CNTN5: variants seen among roughly 807,000 people sequenced by gnomAD.
CNTN5 encodes the protein contactin-5.
Under a neutral mutation model 129.1 loss-of-function variants are expected in CNTN5, and 77 were observed. That is an observed-to-expected ratio of 0.60 (90% CI 0.50 to 0.72). The LOEUF (loss-of-function observed/expected upper bound fraction) is 0.72, where lower values mean the gene tolerates loss of function less well. CNTN5 is among the 30% of genes least tolerant of loss of function. The probability of loss-of-function intolerance (pLI) is 0.00; values close to 1 mark genes in which losing one functional copy is unlikely to be tolerated. For synonymous variants in CNTN5, 509 were observed against 465.6 expected (o/e 1.09, Z -1.20); for missense variants, 1,478 against 1,328.8 (o/e 1.11, Z -1.75).
intron 9 of CNTN5, among the ~76,000 whole-genome samples, chr11:100,043,970 T>C (rs905460812): frequency 6.6e-6 from 1 of 152,066 alleles, no homozygotes; most frequent in Non-Finnish European, 1.5e-5. Context: ...GAAGTGTGTT[T>C]AGTGTAACCA....
chr11:99,729,418 C>T (rs986705513), intron 3 of CNTN5, among the ~76,000 whole-genome samples: 3 of 152,100 alleles, frequency 2.0e-5, no homozygotes, highest in Non-Finnish European at 4.4e-5. Flanking sequence ...GCCTAGTACC[C>T]AATAGTTATT....
intron 9 of CNTN5, among the ~76,000 whole-genome samples, chr11:100,005,494 T>C (rs1565780667): frequency 6.6e-6 from 1 of 152,320 alleles, no homozygotes; most frequent in South Asian, 2.1e-4. Flanking sequence ...TAATGAGCTT[T>C]TAAGTGCACA....
intron 2 of CNTN5, among the ~76,000 whole-genome samples, chr11:99,339,446 CAT>C (rs1415180776): frequency 2.0e-4 from 31 of 151,972 alleles, no homozygotes; most frequent in African/African-American, 7.2e-4. Flanking sequence ...GGGTGCCAGT[CAT>C]GTGGATTTTT....
chr11:99,953,254 G>A (rs1530997), intron 7 of CNTN5, among the ~76,000 whole-genome samples: 125,250 of 152,090 alleles, frequency 0.82, 51,671 homozygotes, highest in Admixed American at 0.86. Context: ...GTGGAAATGC[G>A]TCACTTAAAT....
chr11:100,293,141 T>C (rs1177118548), intron 18 of CNTN5, among the ~76,000 whole-genome samples: 5 of 151,908 alleles, frequency 3.3e-5, no homozygotes, highest in Admixed American at 6.6e-5. Flanking sequence ...ACAAATCTTA[T>C]ACAAAGATTA....
intron 6 of CNTN5, among the ~76,000 whole-genome samples, chr11:99,912,331 G>T (rs189197643): frequency 6.6e-6 from 1 of 152,000 alleles, no homozygotes; most frequent in African/African-American, 2.4e-5. Context: ...CATGAGTGTG[G>T]CTGTGACAAG....
intron 13 of CNTN5, among the ~76,000 whole-genome samples, chr11:100,095,730 A>G (rs892148901): frequency 1.3e-5 from 2 of 152,102 alleles, no homozygotes; most frequent in Non-Finnish European, 2.9e-5. Context: ...CAAGATCTAC[A>G]TGTAAGGCTT....
intron 8 of CNTN5, among the ~76,000 whole-genome samples, chr11:99,981,043 T>G (rs1293059334): frequency 7.4e-6 from 1 of 135,344 alleles, no homozygotes; most frequent in African/African-American, 2.6e-5. Flanking sequence ...CTACCTGTAT[T>G]AGTTAGGGTT....
intron 1 of CNTN5, among the ~76,000 whole-genome samples, chr11:99,204,181 C>G (rs1443234516): frequency 6.6e-6 from 1 of 152,176 alleles, no homozygotes; most frequent in Non-Finnish European, 1.5e-5. Flanking sequence ...ATCGTTAATT[C>G]TCTCAGATTC....
rs71046671 is a variant in CNTN5, at chr11:99,169,372, A to ATGTGTGTGTGTG, written c.-210+148112_-210+148123dup. Among the ~76,000 whole-genome samples the ATGTGTGTGTGTG allele has an allele frequency of 4.6e-3, 690 of 151,112 alleles. 5 individuals are homozygous for ATGTGTGTGTGTG. Among genetic ancestry groups the ATGTGTGTGTGTG allele is most frequent in the African/African-American group, 0.016 (660 of 41,162 alleles). On this transcript the variant is annotated intron_variant, in intron 1 of 24. Coordinates refer to ENST00000524871, the MANE Select transcript of CNTN5 (RefSeq NM_014361.4). ...AGCATGTAGATATGCAATAAGCTATATGTGTGTGTGTGTGTGTGTGTATTT... is the reference window on the plus strand; with the variant it reads ...AGCATGTAGATATGCAATAAGCTATATGTGTGTGTGTGTGTGTGTGTGTGTGTGTGTGTATTT...
intron 1 of CNTN5, among the ~76,000 whole-genome samples, chr11:99,236,013 G>T (rs7931034): frequency 0.023 from 3,483 of 152,230 alleles, 136 homozygotes; most frequent in African/African-American, 0.08. Flanking sequence ...GTTAAAATGG[G>T]CAGTAGAAAC....
intron 1 of CNTN5, among the ~76,000 whole-genome samples, chr11:99,100,880 G>A (rs1249051254): frequency 6.6e-6 from 1 of 152,154 alleles, no homozygotes; most frequent in Non-Finnish European, 1.5e-5. Context: ...TGAAAATTGA[G>A]TCATTCTAAA....
chr11:99,290,477 C>T (rs1864121920), intron 1 of CNTN5, among the ~76,000 whole-genome samples: 1 of 151,810 alleles, frequency 6.6e-6, no homozygotes, highest in Admixed American at 6.6e-5. Flanking sequence ...CTGTGGGCAG[C>T]CTCATCAGAG....
chr11:100,038,344 G>A lies in CNTN5; in HGVS notation c.981-22868G>A, dbSNP rs189849634. Among the ~76,000 whole-genome samples the A allele has an allele frequency of 8.2e-3, 1,243 of 151,774 alleles. 13 individuals are homozygous for A. The highest frequency in any genetic ancestry group is 0.025 in the African/African-American group (1,041 of 41,372). ...TATGGTCTGAGAGACAGTTTGTTATGATTTCTGTTCTTTTACATTTGCTGA... is the reference window on the plus strand; with the variant it reads ...TATGGTCTGAGAGACAGTTTGTTATAATTTCTGTTCTTTTACATTTGCTGA... On this transcript the variant is annotated intron_variant, in intron 9 of 24. Transcript: ENST00000524871.
chr11:99,368,944 G>C (rs1047184792), intron 2 of CNTN5, among the ~76,000 whole-genome samples: 3 of 151,862 alleles, frequency 2.0e-5, no homozygotes, highest in African/African-American at 4.8e-5. Flanking sequence ...GTGGGGAAGG[G>C]AATGTGTTCA....
intron 9 of CNTN5, among the ~76,000 whole-genome samples, chr11:100,007,928 T>G (rs1307608682): frequency 6.6e-6 from 1 of 152,102 alleles, no homozygotes; most frequent in Admixed American, 6.6e-5. Context: ...TTCCTTTCAC[T>G]TGAACACTTA....
At chr11:99,542,471 G>A (rs940946187) in intron 2 of CNTN5, among the ~76,000 whole-genome samples, 12 of 152,162 alleles carry the variant, frequency 7.9e-5, no homozygotes, top group Non-Finnish European at 7.3e-5. Context: ...CCCCATTGAG[G>A]AAGGCTGAAT....
chr11:99,522,294 T>C (rs2135441981), intron 2 of CNTN5, among the ~76,000 whole-genome samples: 1 of 152,294 alleles, frequency 6.6e-6, no homozygotes, highest in East Asian at 1.9e-4. Flanking sequence ...AATTAGCAGA[T>C]ATTTAAATTG....
intron 4 of CNTN5, among the ~76,000 whole-genome samples, chr11:99,822,685 T>A (rs1946837810): frequency 6.6e-6 from 1 of 152,198 alleles, no homozygotes; most frequent in Non-Finnish European, 1.5e-5. Context: ...ATACTTTATT[T>A]CTTGAAAGAA....
Sources: allele counts gnomAD v4.1 joint callset (sites outside exome capture counted in the v4.1 genomes callset), GRCh38; gene constraint gnomAD v4.1.1; transcripts MANE v1.5; gene names NCBI Gene and HGNC (gene_info 2026-07-23, HGNC 2026-07-21).